Variants in HERC2 observed in about 807,000 individuals in gnomAD.
The protein encoded by HERC2 is HECT and RLD domain containing E3 ubiquitin protein ligase 2.
HERC2 carries 102 observed loss-of-function variants against 537.7 expected under a neutral mutation model. That is an observed-to-expected ratio of 0.19 (90% CI 0.16 to 0.22). The LOEUF (loss-of-function observed/expected upper bound fraction) is 0.22, where lower values mean the gene tolerates loss of function less well. Among genes scored for constraint, HERC2 ranks in the 10% least tolerant of loss-of-function variants. The pLI is 1.00. For synonymous variants in HERC2, 2,224 were observed against 2,466.2 expected (o/e 0.90, Z 2.91); for missense variants, 4,236 against 6,198.2 (o/e 0.68, Z 10.63).
At position 28,229,593 on chromosome 15, in the gene HERC2, C is replaced by G. The variant is rs770932889; in HGVS notation, c.4987G>C (p.Glu1663Gln). Reference sequence around the variant, plus strand: ...CCTTCCAGGCGAACCTCTGCTCTCTCCAACTGCAAAATATCAATGCATACA... The same window carrying G: ...CCTTCCAGGCGAACCTCTGCTCTCTGCAACTGCAAAATATCAATGCATACA... ...KMRKCLLKQL[E>Q]RAEVRLEGID... Residue 1663 changes from glutamate to glutamine, a missense_variant, in exon 33 of 93, where the codon GAG (glutamate) becomes CAG (glutamine). Glu to Gln is a conservative substitution (Grantham distance 29). Coordinates refer to ENST00000261609, the MANE Select transcript of HERC2 (RefSeq NM_004667.6). 1.9e-6 allele frequency: 3 copies of G among 1,611,774 alleles called. No homozygotes were observed. Among genetic ancestry groups the G allele is most frequent in the South Asian group, 1.1e-5 (1 of 90,994 alleles).
rs149755238 is a variant in HERC2 at position 28,265,917 on chromosome 15, G to C, written c.1656C>G (p.His552Gln). 6.2e-7 allele frequency: 1 copy of C among 1,614,156 alleles called. No homozygotes were observed. The highest frequency in any genetic ancestry group is 1.6e-4 in the Middle Eastern group (1 of 6,062). Residue 552 changes from histidine (H) to glutamine (Q), a missense_variant, in exon 13 of 93, where the codon CAC becomes CAG. By Grantham distance (24) the His-to-Gln change is conservative (BLOSUM62 0). Around this residue, in one of 27 missense-constraint regions of HERC2, gnomAD observed 754 missense variants for 1,085.0 expected, o/e 0.69. Coordinates refer to ENST00000261609, the MANE Select transcript of HERC2 (RefSeq NM_004667.6). The surrounding 1 kb of genome is among the most constrained non-coding windows in gnomAD (Gnocchi z 4.0). ...SAFSGKQAGK[H>Q]VVHIACGSTY... ...TGCTCCCGCAAGCGATGTGCACCAC[G>C]TGCTTCCCGGCCTGCTTTCCAGAGA... is the stretch of plus-strand genomic sequence containing the variant.
At position 28,146,242 on chromosome 15, in the gene HERC2, C is replaced by G; in HGVS notation, c.11003G>C (p.Arg3668Pro). The G allele has an allele frequency of 6.2e-7, 1 of 1,612,574 alleles. No homozygotes were observed. The highest frequency in any genetic ancestry group is 8.5e-7 in the Non-Finnish European group (1 of 1,178,728). Residue 3668 changes from arginine (R) to proline (P), a missense_variant, in exon 71 of 93, where the codon CGG becomes CCG. Arg to Pro is a moderately radical substitution (Grantham distance 103). Coordinates refer to ENST00000261609, the MANE Select transcript of HERC2 (RefSeq NM_004667.6). ...MDGVNRIVSV[R>P]SGREWSDWSS... ...GCTCAACCTCCTGTCCTTACCTGACCGCACGGAGACGATCCTGTTGACGCC... is the reference window on the plus strand; with the variant it reads ...GCTCAACCTCCTGTCCTTACCTGACGGCACGGAGACGATCCTGTTGACGCC...
chr15:28,225,926 C>G (rs1168098870), intron 35 of HERC2, among the ~76,000 whole-genome samples: 5 of 152,090 alleles, frequency 3.3e-5, no homozygotes, highest in Non-Finnish European at 7.4e-5. Context: ...AGACCCGTAA[C>G]AAGTAAAGAG....
chr15:28,135,405 T>C lies in HERC2; in HGVS notation c.12230+73A>G, dbSNP rs1053386248. ...GTTGCCTTGAAAAACAAAGCGCCAATAGATTGTAGCAGCATTAAAACAAAC... is the reference window on the plus strand; with the variant it reads ...GTTGCCTTGAAAAACAAAGCGCCAACAGATTGTAGCAGCATTAAAACAAAC... On this transcript the variant is annotated intron_variant, in intron 79 of 92. Coordinates refer to ENST00000261609, the MANE Select transcript of HERC2 (RefSeq NM_004667.6). 46 of 1,173,196 alleles carry C rather than the reference T, an allele frequency of 3.9e-5. No individual in the cohort carries two copies. In the African/African-American group the frequency reaches 5.8e-4, roughly 15 times the overall value. 72.7% of individuals were successfully genotyped at this position (1,173,196 alleles called of 1,614,324 possible).
intron 55 of HERC2, among the ~76,000 whole-genome samples, chr15:28,189,123 T>G (rs558671148): frequency 1.3e-5 from 2 of 152,244 alleles, no homozygotes; most frequent in African/African-American, 4.8e-5. Context: ...ACAAACTATT[T>G]GTACAGCAAA....
intron 2 of HERC2, chr15:28,320,561 T>A (rs561594583): frequency 6.6e-6 from 1 of 152,028 alleles, no homozygotes; most frequent in African/African-American, 2.4e-5. Context: ...CGACTTTTGA[T>A]GAACAGTCAA....
intron 19 of HERC2, among the ~76,000 whole-genome samples, chr15:28,255,177 A>C (rs979846708): frequency 2.6e-5 from 4 of 152,112 alleles, no homozygotes; most frequent in African/African-American, 9.7e-5. Flanking sequence ...CTCTACAAAA[A>C]AATCACAAAA....
At chr15:28,282,596 C>A (rs1346240494) in intron 4 of HERC2, among the ~76,000 whole-genome samples, 1 of 152,160 alleles carries the variant, frequency 6.6e-6, no homozygotes, top group Non-Finnish European at 1.5e-5. Flanking sequence ...GAATCAGTGA[C>A]ATAGAAGATA....
chr15:28,126,277 CGTT>C (rs1354051383), intron 83 of HERC2, among the ~76,000 whole-genome samples: 1 of 152,154 alleles, frequency 6.6e-6, no homozygotes, highest in Non-Finnish European at 1.5e-5. Flanking sequence ...TGTGAAAACG[CGTT>C]GTGATGGAAA....
At chr15:28,311,693 T>G (rs887997112) in intron 2 of HERC2, among the ~76,000 whole-genome samples, 6 of 151,414 alleles carry the variant, frequency 4.0e-5, no homozygotes, top group African/African-American at 1.5e-4. Flanking sequence ...AATCTGGGAG[T>G]AGTCAACAAA....
chr15:28,198,775 A>T lies in HERC2; in HGVS notation c.7717-6T>A. 6.2e-7 allele frequency: 1 copy of T among 1,606,306 alleles called. No homozygotes were observed. The highest frequency in any genetic ancestry group is 8.5e-7 in the Non-Finnish European group (1 of 1,176,090). On this transcript the variant is annotated splice_region_variant and splice_polypyrimidine_tract_variant and intron_variant, in intron 48 of 92. Transcript: ENST00000261609. ...CATCTAACCATCATTCCCACCTAGA[A>T]TTAAAATGAAATTGGAGATCCAGTC...
At chr15:28,315,194 G>A (rs1346696357) in intron 2 of HERC2, among the ~76,000 whole-genome samples, 5 of 152,248 alleles carry the variant, frequency 3.3e-5, no homozygotes, top group African/African-American at 1.2e-4. Context: ...AAAGAAAAAG[G>A]GGAGGAATAA....
At chr15:28,272,870 G>T (rs371994529) in intron 8 of HERC2, 24 bp downstream of exon 8, 4 of 1,536,396 alleles carry the variant, frequency 2.6e-6, no homozygotes, top group Non-Finnish European at 2.7e-6. Context: ...TCCCCAAAGC[G>T]TTCCCGTCTG....
intron 86 of HERC2, chr15:28,117,468 G>T: frequency 1.6e-6 from 1 of 643,208 alleles, no homozygotes. Context: ...GCTGCGGCCC[G>T]GCAGCACCAC....
At chr15:28,147,115 G>A (rs12898729) in intron 70 of HERC2, among the ~76,000 whole-genome samples, 56,228 of 138,378 alleles carry the variant, frequency 0.41, 15,180 homozygotes, top group Non-Finnish European at 0.66. Flanking sequence ...GTGAGACCCC[G>A]CGGTGCTCTA....
chr15:28,260,181 G>GA (rs796482245), intron 16 of HERC2, among the ~76,000 whole-genome samples: 67 of 119,850 alleles, frequency 5.6e-4, no homozygotes, highest in African/African-American at 1.0e-3. Flanking sequence ...CTCCAAAAAA[G>GA]AAAAAAAAAA....
At chr15:28,121,951 C>G (rs1216220422) in intron 85 of HERC2, among the ~76,000 whole-genome samples, 1 of 135,534 alleles carries the variant, frequency 7.4e-6, no homozygotes, top group Non-Finnish European at 1.6e-5. Flanking sequence ...CCAGCCGGAC[C>G]TTGGATCGCC....
chr15:28,130,451 C>A (rs1936498855), intron 82 of HERC2, 52 bp downstream of exon 82: 2 of 1,576,832 alleles, frequency 1.3e-6, no homozygotes, highest in East Asian at 2.2e-5. Flanking sequence ...GGTGCACATA[C>A]CCCAATAAAA....
At chr15:28,277,931 C>G (rs2075918947) in intron 5 of HERC2, among the ~76,000 whole-genome samples, 1 of 152,060 alleles carries the variant, frequency 6.6e-6, no homozygotes, top group African/African-American at 2.4e-5. Context: ...GTAGTATTTG[C>G]ATATAACCTG....
Sources: gnomAD v4.1 joint callset for allele counts (sites outside exome capture counted in the v4.1 genomes callset) on GRCh38, gnomAD v4.1.1 for gene constraint, gnomAD v4.1.1 regional missense constraint, Gnocchi (gnomAD v3.1) non-coding constraint, MANE v1.5 for transcripts, NCBI Gene and HGNC (gene_info 2026-07-23, HGNC 2026-07-21) for gene names.